The following MAN1A1 variants were observed in gnomAD, a reference collection of about 807,000 sequenced individuals.
The protein encoded by MAN1A1 is mannosyl-oligosaccharide 1,2-alpha-mannosidase IA.
In MAN1A1, 29 loss-of-function variants were observed where a neutral mutation model predicts 70.8. That is an observed-to-expected ratio of 0.41 (90% CI 0.31 to 0.56). The LOEUF (loss-of-function observed/expected upper bound fraction) is 0.56, where lower values mean the gene tolerates loss of function less well. Among genes scored for constraint, MAN1A1 ranks in the 20% least tolerant of loss-of-function variants. The probability of loss-of-function intolerance (pLI) is 0.29; values close to 1 mark genes in which losing one functional copy is unlikely to be tolerated. For missense variants in MAN1A1, 747 were observed against 841.3 expected, an observed-to-expected ratio of 0.89 and a Z score of 1.39; for synonymous variants, 349 against 330.1, an observed-to-expected ratio of 1.06 and a Z score of -0.62.
At chr6:119,312,946 T>TTC (rs1236231725) in intron 2 of MAN1A1, among the ~76,000 whole-genome samples, 3 of 152,136 alleles carry the variant, frequency 2.0e-5, no homozygotes, top group Admixed American at 1.3e-4. Flanking sequence ...GGAGATCAGG[T>TTC]GTGACAGGGC....
intron 2 of MAN1A1, among the ~76,000 whole-genome samples, chr6:119,311,760 G>A (rs183053236): frequency 6.6e-6 from 1 of 152,226 alleles, no homozygotes; most frequent in African/African-American, 2.4e-5. Context: ...TTTGCAGCAT[G>A]ATGGAGTAAC....
At chr6:119,349,501 G>C in intron 1 of MAN1A1, 41 bp downstream of exon 1, 1 of 979,376 alleles carries the variant, frequency 1.0e-6, no homozygotes, top group Non-Finnish European at 1.2e-6. Flanking sequence ...GCAGGAAGGG[G>C]TCAGGGCAGC....
At chr6:119,327,496 TCTC>T (rs2114487203) in intron 2 of MAN1A1, 1 of 151,282 alleles carries the variant, frequency 6.6e-6, no homozygotes, top group South Asian at 2.1e-4. Context: ...TTCAGGCGAT[TCTC>T]CTGCCTCATC....
At chr6:119,249,435 G>T (rs1283935006) in intron 5 of MAN1A1, among the ~76,000 whole-genome samples, 4 of 152,132 alleles carry the variant, frequency 2.6e-5, no homozygotes, top group African/African-American at 9.7e-5. Flanking sequence ...CTGAAGAAAG[G>T]CCTGCTATAG....
intron 2 of MAN1A1, among the ~76,000 whole-genome samples, chr6:119,334,594 G>A (rs920389291): frequency 7.2e-5 from 11 of 152,158 alleles, no homozygotes; most frequent in African/African-American, 2.7e-4. Flanking sequence ...CTACATTTAA[G>A]GAGCAGATTA....
At chr6:119,202,430 A>G (rs969497415) in intron 7 of MAN1A1, among the ~76,000 whole-genome samples, 9 of 152,198 alleles carry the variant, frequency 5.9e-5, no homozygotes, top group African/African-American at 2.2e-4. Flanking sequence ...AATGCCTTGA[A>G]GAGGAATACC....
intron 5 of MAN1A1, among the ~76,000 whole-genome samples, chr6:119,265,391 G>C (rs924267544): frequency 6.6e-6 from 1 of 152,132 alleles, no homozygotes; most frequent in Non-Finnish European, 1.5e-5. Flanking sequence ...GAGCCACTGA[G>C]CCTGGCCTCA....
chr6:119,179,345 G>A lies in MAN1A1; in HGVS notation c.*474C>T, dbSNP rs899425805. On this transcript the variant is annotated 3_prime_UTR_variant, in exon 13 of 13. Transcript: ENST00000368468. ...GGCTGTCACAGAAGATCTGTCTCTGGTGGACAGACAAACCAGATTAACATG... is the reference window on the plus strand; with the variant it reads ...GGCTGTCACAGAAGATCTGTCTCTGATGGACAGACAAACCAGATTAACATG... 1 of 153,134 alleles carries A rather than the reference G, an allele frequency of 6.5e-6. No individual in the cohort carries two copies. The highest frequency in any genetic ancestry group is 1.5e-5 in the Non-Finnish European group (1 of 68,398). The allele number at this position is 153,134 out of a possible 1,614,324, so 9.5% of individuals were successfully genotyped here.
intron 3 of MAN1A1, among the ~76,000 whole-genome samples, chr6:119,305,435 CAG>C (rs1772501000): frequency 6.6e-6 from 1 of 151,874 alleles, no homozygotes; most frequent in African/African-American, 2.4e-5. Flanking sequence ...CATGAGGTTT[CAG>C]AGTTTCTCTC....
intron 2 of MAN1A1, among the ~76,000 whole-genome samples, chr6:119,343,629 A>G (rs1773654056): frequency 6.6e-6 from 1 of 152,218 alleles, no homozygotes; most frequent in African/African-American, 2.4e-5. Flanking sequence ...CTGAGGGAAA[A>G]GTCAAGACTT....
intron 4 of MAN1A1, among the ~76,000 whole-genome samples, chr6:119,295,511 T>C (rs923374147): frequency 2.6e-5 from 4 of 152,156 alleles, no homozygotes; most frequent in East Asian, 1.9e-4. Context: ...GTCACACTTA[T>C]ATTAGAATTC....
chr6:119,181,666 T>A (rs570458302), intron 11 of MAN1A1, among the ~76,000 whole-genome samples: 2 of 152,194 alleles, frequency 1.3e-5, no homozygotes, highest in Non-Finnish European at 2.9e-5. Context: ...CTGCTGTTTG[T>A]GTTTTCTTTT....
At chr6:119,321,260 T>C (rs1163924871) in intron 2 of MAN1A1, among the ~76,000 whole-genome samples, 1 of 152,230 alleles carries the variant, frequency 6.6e-6, no homozygotes, top group East Asian at 1.9e-4. Flanking sequence ...TTGAACAATA[T>C]TAGAATTCCA....
At chr6:119,304,491 A>G (rs6902335) in intron 3 of MAN1A1, among the ~76,000 whole-genome samples, 57,492 of 152,078 alleles carry the variant, frequency 0.38, 11,348 homozygotes, top group Non-Finnish European at 0.41. Flanking sequence ...TCTTTGAGGT[A>G]CAGTTTAACT....
At chr6:119,321,003 A>G (rs1378157034) in intron 2 of MAN1A1, among the ~76,000 whole-genome samples, 2 of 152,224 alleles carry the variant, frequency 1.3e-5, no homozygotes, top group Non-Finnish European at 2.9e-5. Flanking sequence ...AGCAAAACTG[A>G]TAATACTATT....
chr6:119,257,711 G>T (rs2299878), intron 5 of MAN1A1, among the ~76,000 whole-genome samples: 2 of 151,848 alleles, frequency 1.3e-5, no homozygotes, highest in Non-Finnish European at 2.9e-5. Context: ...AGTTAAAAAA[G>T]GGAGAGGAAA....
At chr6:119,233,211 A>G (rs1582719711) in intron 6 of MAN1A1, among the ~76,000 whole-genome samples, 1 of 152,276 alleles carries the variant, frequency 6.6e-6, no homozygotes, top group Non-Finnish European at 1.5e-5. Flanking sequence ...AATATTAGAG[A>G]GTAATGTGTT....
At chr6:119,286,568 A>C (rs182568685) in intron 5 of MAN1A1, among the ~76,000 whole-genome samples, 5 of 152,288 alleles carry the variant, frequency 3.3e-5, no homozygotes, top group Admixed American at 3.3e-4. Flanking sequence ...GCTGCCTTCA[A>C]AATGAGAGGT....
upstream of MAN1A1, among the ~76,000 whole-genome samples, chr6:119,350,297 G>T (rs568054107): frequency 1.6e-4 from 25 of 152,322 alleles, no homozygotes; most frequent in South Asian, 5.0e-3. Context: ...CCAAGGCCGG[G>T]GTTCCCCGGG....
Sources: allele counts gnomAD v4.1 joint callset (sites outside exome capture counted in the v4.1 genomes callset), GRCh38; gene constraint gnomAD v4.1.1; transcripts MANE v1.5; gene names NCBI Gene and HGNC (gene_info 2026-07-23, HGNC 2026-07-21).